The following MICU3 variants were observed in gnomAD, a reference collection of about 807,000 sequenced individuals.
MICU3 encodes the protein calcium uptake protein 3, mitochondrial.
A neutral mutation model predicts 66.5 loss-of-function variants in MICU3; 62 were observed. That is an observed-to-expected ratio of 0.93 (90% CI 0.76 to 1.15). The LOEUF is 1.15. Among genes scored for constraint, MICU3 ranks in the 50% most tolerant of loss-of-function variants. The pLI is 0.00. For missense variants in MICU3, 779 were observed against 664.4 expected (o/e 1.17, Z -1.90); for synonymous variants, 308 against 240.7 (o/e 1.28, Z -2.59).
chr8:17,101,714 G>A (rs112999261), intron 9 of MICU3, among the ~76,000 whole-genome samples: 4 of 151,850 alleles, frequency 2.6e-5, no homozygotes, highest in Admixed American at 2.0e-4. Flanking sequence ...CTAACTTTTG[G>A]TGTTCCTGTA....
At chr8:17,101,716 G>A (rs920269255) in intron 9 of MICU3, among the ~76,000 whole-genome samples, 16 of 151,822 alleles carry the variant, frequency 1.1e-4, no homozygotes, top group Non-Finnish European at 8.8e-5. Context: ...AACTTTTGGT[G>A]TTCCTGTAAC....
chr8:17,028,327 G>C (rs1167232869), intron 1 of MICU3, among the ~76,000 whole-genome samples: 1 of 152,200 alleles, frequency 6.6e-6, no homozygotes, highest in East Asian at 1.9e-4. Context: ...GCAAATGTAG[G>C]AGGCTGTGAA....
chr8:17,031,433 C>T lies in MICU3; in HGVS notation c.381+3773C>T, dbSNP rs1187027783. Among the ~76,000 whole-genome samples, 4 of 151,468 alleles carry T rather than the reference C, an allele frequency of 2.6e-5. No homozygotes were observed. In the East Asian group the frequency reaches 5.8e-4, roughly 22 times the overall value. ...CCCAAGTAGCTAGGATTACAGGCGC[C>T]GGCCACCATGACCAGCTAATTTTTT... On this transcript the variant is annotated intron_variant, in intron 1 of 14. Transcript: ENST00000318063.
At chr8:17,064,345 T>C (rs1818347590) in intron 2 of MICU3, 108 bp downstream of exon 2, 3 of 748,394 alleles carry the variant, frequency 4.0e-6, no homozygotes, top group East Asian at 5.5e-5. Context: ...TAATGTGGTA[T>C]TTCACATGAT....
intron 13 of MICU3, among the ~76,000 whole-genome samples, chr8:17,117,424 A>C (rs1249374170): frequency 6.6e-6 from 1 of 152,196 alleles, no homozygotes; most frequent in Non-Finnish European, 1.5e-5. Flanking sequence ...CCAGAAATTC[A>C]GTGATTTTTT....
At chr8:17,117,571 A>G (rs752099036) in intron 13 of MICU3, among the ~76,000 whole-genome samples, 5 of 151,476 alleles carry the variant, frequency 3.3e-5, no homozygotes, top group Non-Finnish European at 7.4e-5. Flanking sequence ...AGAATATTCA[A>G]TCTTCCCTCT....
chr8:17,051,250 A>G (rs1228789409), intron 1 of MICU3, among the ~76,000 whole-genome samples: 1 of 152,148 alleles, frequency 6.6e-6, no homozygotes, highest in Non-Finnish European at 1.5e-5. Context: ...TTTAATTTTT[A>G]AAGCAATCAC....
At chr8:17,085,586 A>G (rs1799383106) in intron 6 of MICU3, among the ~76,000 whole-genome samples, 1 of 152,094 alleles carries the variant, frequency 6.6e-6, no homozygotes, top group East Asian at 1.9e-4. Context: ...TGTTGGGTGG[A>G]TAACAGGCAG....
intron 14 of MICU3, among the ~76,000 whole-genome samples, chr8:17,119,891 G>GA (rs1477168891): frequency 6.6e-6 from 1 of 152,084 alleles, no homozygotes; most frequent in African/African-American, 2.4e-5. Context: ...GTTAACAAAA[G>GA]AAGTCAGGTC....
intron 6 of MICU3, 65 bp downstream of exon 6, chr8:17,085,383 T>C (rs1488383012): frequency 8.8e-7 from 1 of 1,135,916 alleles, no homozygotes; most frequent in East Asian, 2.4e-5. Context: ...TTTTATGTTT[T>C]TGCCTTATTG....
At chr8:17,037,566 T>G (rs535607929) in intron 1 of MICU3, among the ~76,000 whole-genome samples, 14 of 152,308 alleles carry the variant, frequency 9.2e-5, no homozygotes, top group African/African-American at 3.1e-4. Context: ...AGAGCCCTCA[T>G]GGAGAACCTC....
intron 1 of MICU3, among the ~76,000 whole-genome samples, chr8:17,050,754 A>G (rs1222996471): frequency 2.0e-5 from 3 of 152,048 alleles, no homozygotes; most frequent in African/African-American, 7.2e-5. Context: ...TCTTAATTCC[A>G]TGTATTTTTT....
rs189583338 is a variant in MICU3 at position 17,081,935 on chromosome 8, A to G, written c.694+195A>G. Reference sequence around the variant, plus strand: ...AAACATAAATGCTACAGCTTATGGTATAGTAATAAATGCTCATAAATTATA... The same window carrying G: ...AAACATAAATGCTACAGCTTATGGTGTAGTAATAAATGCTCATAAATTATA... On this transcript the variant is annotated intron_variant, in intron 5 of 14. Coordinates refer to ENST00000318063, the MANE Select transcript of MICU3 (RefSeq NM_181723.3). 381 of 399,688 alleles carry G rather than the reference A, an allele frequency of 9.5e-4. 1 individual carries two copies. Among genetic ancestry groups the G allele is most frequent in the Middle Eastern group, 2.9e-3 (6 of 2,096 alleles). 24.8% of individuals were successfully genotyped at this position (399,688 alleles called of 1,614,324 possible). A position where few individuals can be genotyped will look rare whatever the true frequency, so the allele number is the denominator to read the frequency against.
In MICU3 at chr8:17,122,262, C is replaced by A. The variant is rs1316776742; in HGVS notation, c.*1975C>A. Reference sequence around the variant, plus strand: ...AAAAGAAAGTAAATTACAGTGATTTCCATCATATTATCACTCTTGAATTTT... The same window carrying A: ...AAAAGAAAGTAAATTACAGTGATTTACATCATATTATCACTCTTGAATTTT... On this transcript the variant is annotated 3_prime_UTR_variant, in exon 15 of 15. Coordinates refer to ENST00000318063, the MANE Select transcript of MICU3 (RefSeq NM_181723.3). 1 of 151,630 alleles carries A rather than the reference C, an allele frequency of 6.6e-6. No homozygotes were observed. The highest frequency in any genetic ancestry group is 1.5e-5 in the Non-Finnish European group (1 of 67,688). 9.4% of individuals were successfully genotyped at this position (151,630 alleles called of 1,614,324 possible).
At chr8:17,055,619 A>G (rs1206335113) in intron 1 of MICU3, among the ~76,000 whole-genome samples, 2 of 152,132 alleles carry the variant, frequency 1.3e-5, no homozygotes, top group Non-Finnish European at 2.9e-5. Flanking sequence ...GGCCTATAAA[A>G]GCTTCTCACA....
Position 17,047,626 on chromosome 8 carries a change from C to T in MICU3, c.382-16458C>T, listed in dbSNP as rs531721538. ...GGACTGCAGTTGACCTGATTATAGA[C>T]GAATCCATCGCAACAGACAGAAGCC... On this transcript the variant is annotated intron_variant, in intron 1 of 14. Transcript: ENST00000318063. Among the ~76,000 whole-genome samples, 11 of 152,296 alleles carry T rather than the reference C, an allele frequency of 7.2e-5. No individual in the cohort carries two copies. The South Asian group carries it at 1.9e-3, about 26-fold the overall frequency.
chr8:17,102,067 G>T (rs1563380825), intron 9 of MICU3, among the ~76,000 whole-genome samples: 1 of 151,868 alleles, frequency 6.6e-6, no homozygotes, highest in East Asian at 1.9e-4. Flanking sequence ...AGAAGTGCCT[G>T]GATTCAAAGC....
the MICU3 span, among the ~76,000 whole-genome samples, chr8:17,128,977 G>C: frequency 6.6e-6 from 1 of 152,156 alleles, no homozygotes. Flanking sequence ...GTCACTGGAG[G>C]TCCCATAGTG....
intron 1 of MICU3, among the ~76,000 whole-genome samples, chr8:17,046,132 A>AC (rs748435599): frequency 4.7e-4 from 72 of 152,278 alleles, no homozygotes; most frequent in Non-Finnish European, 9.4e-4. Context: ...GATCATGTGA[A>AC]CCCCAGCTTG....
Sources: allele counts gnomAD v4.1 joint callset (sites outside exome capture counted in the v4.1 genomes callset), GRCh38; gene constraint gnomAD v4.1.1; transcripts MANE v1.5; gene names NCBI Gene and HGNC (gene_info 2026-07-23, HGNC 2026-07-21).